The following CELF2 variants were observed in gnomAD, a reference collection of about 807,000 sequenced individuals.
The protein encoded by CELF2 is CUGBP Elav-like family member 2.
In CELF2, 8 loss-of-function variants were observed where a neutral mutation model predicts 62.6. The ratio of observed to expected loss-of-function variants is 0.13; its 90% confidence interval spans 0.07 to 0.23. The LOEUF (loss-of-function observed/expected upper bound fraction) is 0.23. Ranked by LOEUF, CELF2 falls within the 10% of genes least tolerant of loss-of-function variation. CELF2 has a pLI of 1.00. For missense variants in CELF2, 333 were observed against 671.0 expected (o/e 0.50, Z 5.56); for synonymous variants, 258 against 250.0 (o/e 1.03, Z -0.30).
At chr10:10,932,107 A>T (rs2066131966) in intron 2 of CELF2, among the ~76,000 whole-genome samples, 1 of 152,176 alleles carries the variant, frequency 6.6e-6, no homozygotes, top group Non-Finnish European at 1.5e-5. Context: ...ATCAGGCAGT[A>T]TCATTACTAA....
intron 1 of CELF2, among the ~76,000 whole-genome samples, chr10:11,155,535 A>G (rs2064178124): frequency 1.3e-5 from 2 of 152,204 alleles, no homozygotes; most frequent in African/African-American, 4.8e-5. Flanking sequence ...GAGCATCCGG[A>G]TGGGAAGTTT....
intron 1 of CELF2, among the ~76,000 whole-genome samples, chr10:10,915,151 ATT>A (rs1428800734): frequency 2.4e-5 from 3 of 125,276 alleles, no homozygotes; most frequent in African/African-American, 1.2e-4. Flanking sequence ...AAAAAAAAAG[ATT>A]TTTTAGTGTT....
At chr10:10,565,096 T>C in the CELF2 span, among the ~76,000 whole-genome samples, 1 of 152,206 alleles carries the variant, frequency 6.6e-6, no homozygotes. Flanking sequence ...CCATGTTCCT[T>C]AATTAATTGA....
At chr10:10,921,741 C>T (rs148306000) in intron 2 of CELF2, among the ~76,000 whole-genome samples, 102 of 152,040 alleles carry the variant, frequency 6.7e-4, no homozygotes, top group African/African-American at 2.1e-3. Flanking sequence ...CAAGGATGGA[C>T]GCAGGAAAGG....
intron 1 of CELF2, among the ~76,000 whole-genome samples, chr10:10,837,789 T>A (rs867641500): frequency 4.6e-5 from 7 of 152,154 alleles, no homozygotes; most frequent in African/African-American, 1.4e-4. Context: ...CCTGACCCAA[T>A]GGCCATGTTT....
intron 1 of CELF2, among the ~76,000 whole-genome samples, chr10:11,114,539 C>CA (rs2056087466): frequency 6.6e-6 from 1 of 152,004 alleles, no homozygotes; most frequent in African/African-American, 2.4e-5. Context: ...AGTCATAAAT[C>CA]AAAAAAGGAC....
intron 1 of CELF2, among the ~76,000 whole-genome samples, chr10:10,855,552 A>G (rs1215380049): frequency 1.3e-5 from 2 of 152,226 alleles, no homozygotes; most frequent in Non-Finnish European, 2.9e-5. Context: ...TGTGACTTTA[A>G]AAGGCTTAGC....
At chr10:11,143,157 C>A (rs549803660) in intron 1 of CELF2, among the ~76,000 whole-genome samples, 1 of 152,290 alleles carries the variant, frequency 6.6e-6, no homozygotes, top group Admixed American at 6.5e-5. Context: ...CCTTTGTGTG[C>A]CTGTAATGGA....
intron 1 of CELF2, among the ~76,000 whole-genome samples, chr10:10,872,571 G>A (rs1487769932): frequency 6.6e-6 from 1 of 152,010 alleles, no homozygotes; most frequent in Non-Finnish European, 1.5e-5. Flanking sequence ...ACCAGATAAG[G>A]GTGACTTCTA....
intron 11 of CELF2, among the ~76,000 whole-genome samples, chr10:11,323,216 A>G (rs1208671263): frequency 6.6e-6 from 1 of 150,680 alleles, no homozygotes; most frequent in Non-Finnish European, 1.5e-5. Context: ...ACCATTGCCC[A>G]CTCCTGATTT....
chr10:11,299,838 G>T (rs1159830457), intron 9 of CELF2, among the ~76,000 whole-genome samples: 2 of 151,442 alleles, frequency 1.3e-5, no homozygotes, highest in Non-Finnish European at 2.9e-5. Context: ...GTCCTTCTCC[G>T]GGCCATCTGT....
chr10:10,880,008 A>G (rs1184874472), intron 1 of CELF2, among the ~76,000 whole-genome samples: 1 of 152,196 alleles, frequency 6.6e-6, no homozygotes, highest in African/African-American at 2.4e-5. Flanking sequence ...CCATTTAGCA[A>G]ATATTTATTC....
intron 8 of CELF2, among the ~76,000 whole-genome samples, chr10:11,283,585 G>T (rs2089777019): frequency 4.0e-5 from 6 of 151,588 alleles, no homozygotes; most frequent in Admixed American, 3.9e-4. Context: ...GTAGATGGAT[G>T]GGTGACTAGA....
At chr10:10,520,956 A>C in the CELF2 span, among the ~76,000 whole-genome samples, 1 of 152,210 alleles carries the variant, frequency 6.6e-6, no homozygotes, top group Admixed American at 6.5e-5. Context: ...GATGGTTTCA[A>C]ATCAGGTCCT....
At position 11,131,071 on chromosome 10, in the gene CELF2, T is replaced by C. The variant is rs533824344; in HGVS notation, c.75-34415T>C. On this transcript the variant is annotated intron_variant, in intron 1 of 12. Coordinates refer to ENST00000633077, the MANE Select transcript of CELF2 (RefSeq NM_001326342.2). ...GTAAAATAAATTTGAATCACTTGTA[T>C]TACATTGCAGTTCTACTGAAAATAC... Among the ~76,000 whole-genome samples, 4 of 152,354 alleles carry C rather than the reference T, an allele frequency of 2.6e-5. No individual in the cohort carries two copies. The South Asian group carries it at 8.3e-4, about 32-fold the overall frequency.
At chr10:10,696,316 G>A in the CELF2 span, among the ~76,000 whole-genome samples, 174 of 151,976 alleles carry the variant, frequency 1.1e-3, 1 homozygote, top group African/African-American at 4.0e-3. Context: ...AGGCTGCTCA[G>A]GGGTCAGGGG....
Position 11,195,140 on chromosome 10 carries a change from C to G in CELF2, c.272-22285C>G, listed in dbSNP as rs191170017. Among the ~76,000 whole-genome samples the G allele has an allele frequency of 2.1e-3, 322 of 152,322 alleles. 1 individual carries two copies. The highest frequency in any genetic ancestry group is 4.9e-3 in the Admixed American group (75 of 15,310). On this transcript the variant is annotated intron_variant, in intron 2 of 12. Transcript: ENST00000633077. ...AGCATTCGACCATGAACTTAAACTC[C>G]TATCACACCTCTAGGTGTGATAATA...
chr10:11,057,234 A>G (rs2065478217), intron 1 of CELF2, among the ~76,000 whole-genome samples: 1 of 150,696 alleles, frequency 6.6e-6, no homozygotes, highest in Non-Finnish European at 1.5e-5. Context: ...TGTGGGTCAT[A>G]CGAGGTGCGC....
the CELF2 span, among the ~76,000 whole-genome samples, chr10:10,513,080 C>T: frequency 1.2e-3 from 186 of 152,256 alleles, 1 homozygote; most frequent in African/African-American, 4.0e-3. Flanking sequence ...ACTGAATGTT[C>T]TTGGTTATGC....
Sources: gnomAD v4.1 joint callset for allele counts (sites outside exome capture counted in the v4.1 genomes callset) on GRCh38, gnomAD v4.1.1 for gene constraint, MANE v1.5 for transcripts, NCBI Gene and HGNC (gene_info 2026-07-23, HGNC 2026-07-21) for gene names.